Variants in SLCO6A1 observed in about 807,000 individuals in gnomAD.
The protein encoded by SLCO6A1 is solute carrier organic anion transporter family member 6A1.
Under a neutral mutation model 72.7 loss-of-function variants are expected in SLCO6A1, and 65 were observed. The observed-to-expected ratio is 0.89, with a 90% CI of 0.73 to 1.10. The LOEUF (loss-of-function observed/expected upper bound fraction) is 1.10. Among genes scored for constraint, SLCO6A1 ranks in the 50% least tolerant of loss-of-function variants. The pLI is 0.00. For missense variants in SLCO6A1, 874 were observed against 872.6 expected (o/e 1.00, Z -0.02); for synonymous variants, 314 against 298.2 (o/e 1.05, Z -0.55).
chr5:102,459,878 G>T, intron 4 of SLCO6A1, 101 bp from the exon 5 acceptor site: 5 of 961,712 alleles, frequency 5.2e-6, no homozygotes, highest in South Asian at 4.8e-5. Context: ...AGAGAGGGAG[G>T]GTTGGAGAGT....
At chr5:102,403,044 T>C (rs1747484100) in intron 9 of SLCO6A1, among the ~76,000 whole-genome samples, 1 of 152,226 alleles carries the variant, frequency 6.6e-6, no homozygotes. Flanking sequence ...AGCTATTTAA[T>C]GTTTTCATTT....
At chr5:102,376,903 A>G (rs1190686223) in intron 12 of SLCO6A1, among the ~76,000 whole-genome samples, 2 of 152,148 alleles carry the variant, frequency 1.3e-5, no homozygotes, top group Non-Finnish European at 2.9e-5. Context: ...AGTGGCTAGC[A>G]CCTGTAATTC....
chr5:102,405,504 G>C (rs1299367425), intron 9 of SLCO6A1, among the ~76,000 whole-genome samples: 1 of 151,946 alleles, frequency 6.6e-6, no homozygotes, highest in Non-Finnish European at 1.5e-5. Context: ...AACCATGGAT[G>C]CTGGAATACA....
chr5:102,477,014 T>C (rs941075625), intron 3 of SLCO6A1, among the ~76,000 whole-genome samples: 3 of 152,144 alleles, frequency 2.0e-5, no homozygotes, highest in African/African-American at 4.8e-5. Context: ...ACATTGTAAA[T>C]AGGGATAGTA....
chr5:102,401,340 T>TATC (rs1353020821), intron 9 of SLCO6A1, among the ~76,000 whole-genome samples: 2 of 152,072 alleles, frequency 1.3e-5, no homozygotes, highest in Non-Finnish European at 2.9e-5. Context: ...ATTAAACAGC[T>TATC]ATCGGGTGGC....
At chr5:102,384,854 A>C (rs1354605770) in intron 12 of SLCO6A1, among the ~76,000 whole-genome samples, 1 of 152,092 alleles carries the variant, frequency 6.6e-6, no homozygotes, top group Non-Finnish European at 1.5e-5. Flanking sequence ...GCAACCTTTC[A>C]ATTCAACATT....
intron 11 of SLCO6A1, 47 bp downstream of exon 11, chr5:102,390,934 T>A (rs1248437450): frequency 4.0e-6 from 6 of 1,487,702 alleles, no homozygotes; most frequent in Non-Finnish European, 5.6e-6. Context: ...CATATATACA[T>A]ATCAAAAAAC....
chr5:102,445,347 T>C (rs1750051761), intron 6 of SLCO6A1, among the ~76,000 whole-genome samples: 1 of 152,186 alleles, frequency 6.6e-6, no homozygotes, highest in Non-Finnish European at 1.5e-5. Flanking sequence ...TCATATGTTT[T>C]TTGGCCACAT....
chr5:102,409,910 T>A (rs970989652), intron 9 of SLCO6A1, among the ~76,000 whole-genome samples: 1 of 152,072 alleles, frequency 6.6e-6, no homozygotes, highest in Admixed American at 6.6e-5. Context: ...AATCAAAACA[T>A]CAAGGTCAAA....
intron 10 of SLCO6A1, chr5:102,391,337 C>T: frequency 2.8e-6 from 1 of 353,872 alleles, no homozygotes; most frequent in African/African-American, 2.1e-5. Flanking sequence ...AGACTTAGCA[C>T]TAGATTTTAT....
chr5:102,440,697 C>G (rs991155117), intron 6 of SLCO6A1, among the ~76,000 whole-genome samples: 1 of 152,132 alleles, frequency 6.6e-6, no homozygotes, highest in Admixed American at 6.5e-5. Flanking sequence ...AAGCCCTGTC[C>G]AAATTGCATT....
intron 1 of SLCO6A1, among the ~76,000 whole-genome samples, chr5:102,484,831 A>G (rs1314783561): frequency 6.6e-6 from 1 of 152,234 alleles, no homozygotes; most frequent in East Asian, 1.9e-4. Context: ...TACTATCCTT[A>G]ATAAAATGTG....
intron 4 of SLCO6A1, among the ~76,000 whole-genome samples, chr5:102,470,323 G>A (rs1029391601): frequency 2.0e-5 from 3 of 152,068 alleles, no homozygotes; most frequent in African/African-American, 7.2e-5. Context: ...ATTAATTATT[G>A]CCTCGATTTC....
chr5:102,413,233 T>C, intron 8 of SLCO6A1, 90 bp from the exon 9 acceptor site: 4 of 1,258,784 alleles, frequency 3.2e-6, no homozygotes, highest in Non-Finnish European at 2.2e-6. Context: ...CCATAAAATA[T>C]GCTTATTGAA....
At chr5:102,374,582 A>G (rs1355680955) in intron 12 of SLCO6A1, among the ~76,000 whole-genome samples, 2 of 152,142 alleles carry the variant, frequency 1.3e-5, no homozygotes, top group Admixed American at 6.5e-5. Flanking sequence ...CACAATATCA[A>G]TTATCTGACA....
intron 11 of SLCO6A1, among the ~76,000 whole-genome samples, chr5:102,390,664 A>T (rs1316570007): frequency 2.6e-5 from 4 of 152,178 alleles, no homozygotes; most frequent in African/African-American, 7.2e-5. Flanking sequence ...CACGCAAGCA[A>T]TGTAAAGTAT....
chr5:102,426,353 T>A (rs1363100774), intron 7 of SLCO6A1, among the ~76,000 whole-genome samples: 2 of 151,948 alleles, frequency 1.3e-5, no homozygotes, highest in East Asian at 3.9e-4. Context: ...TGGGAGAAAA[T>A]TTTTGAAATC....
At chr5:102,397,883 G>T (rs1747184812) in intron 10 of SLCO6A1, among the ~76,000 whole-genome samples, 1 of 152,114 alleles carries the variant, frequency 6.6e-6, no homozygotes, top group African/African-American at 2.4e-5. Flanking sequence ...CTGTGTGTGT[G>T]TTTTATTCTC....
At chr5:102,457,920 C>G (rs965163045) in intron 6 of SLCO6A1, among the ~76,000 whole-genome samples, 1 of 152,040 alleles carries the variant, frequency 6.6e-6, no homozygotes, top group Admixed American at 6.6e-5. Flanking sequence ...TACTATGCAG[C>G]CATAAAAATG....
Sources: allele counts gnomAD v4.1 joint callset (sites outside exome capture counted in the v4.1 genomes callset), GRCh38; gene constraint gnomAD v4.1.1; transcripts MANE v1.5; gene names NCBI Gene and HGNC (gene_info 2026-07-23, HGNC 2026-07-21).